The following NRG1 variants were observed in gnomAD, a reference collection of about 807,000 sequenced individuals.
The protein encoded by NRG1 is neuregulin 1, also known as pro-neuregulin-1, membrane-bound isoform.
NRG1 carries 18 observed loss-of-function variants against 63.8 expected under a neutral mutation model. The observed-to-expected ratio is 0.28, with a 90% confidence interval of 0.19 to 0.42. NRG1 has a LOEUF of 0.42. NRG1 is among the 10% of genes least tolerant of loss of function. NRG1 has a pLI of 1.00. For synonymous variants in NRG1, 302 were observed against 301.3 expected, an observed-to-expected ratio of 1.00 and a Z score of -0.02; for missense variants, 762 against 814.7, an observed-to-expected ratio of 0.94 and a Z score of 0.79.
At chr8:31,959,836 T>TATTTATTTATTTATTC (rs375673114) in intron 1 of NRG1, among the ~76,000 whole-genome samples, 3 of 122,470 alleles carry the variant, frequency 2.4e-5, no homozygotes, top group Non-Finnish European at 1.7e-5. Flanking sequence ...TTTATTTATT[T>TATTTATTTATTTATTC]ATTATAGAGA....
chr8:31,739,568 A>C lies in NRG1; in HGVS notation c.37+100137A>C, dbSNP rs117638561. 3.9e-3 allele frequency among the ~76,000 whole-genome samples: 588 copies of C among 151,988 alleles called. 1 individual carries two copies. The highest frequency in any genetic ancestry group is 0.019 in the South Asian group (91 of 4,818). On this transcript the variant is annotated intron_variant, in intron 1 of 10. Transcript: ENST00000519301. ...TAAATATTAATAATGTGTAACTACG[A>C]CTCTGTGTGCTAAAACATTGTTGTG...
At chr8:32,038,829 C>T (rs1252212835) in intron 1 of NRG1, among the ~76,000 whole-genome samples, 2 of 152,042 alleles carry the variant, frequency 1.3e-5, no homozygotes, top group African/African-American at 4.8e-5. Flanking sequence ...GCTAGCCCCA[C>T]CTGTTGTTCA....
At chr8:32,204,012 A>C (rs1843760254) in intron 1 of NRG1, among the ~76,000 whole-genome samples, 1 of 152,220 alleles carries the variant, frequency 6.6e-6, no homozygotes, top group South Asian at 2.1e-4. Context: ...ATCTTTAGTA[A>C]AGATTTGAAG....
At chr8:32,178,328 G>A (rs557794863) in intron 1 of NRG1, among the ~76,000 whole-genome samples, 1 of 152,114 alleles carries the variant, frequency 6.6e-6, no homozygotes, top group African/African-American at 2.4e-5. Flanking sequence ...AGACCACCCT[G>A]GTCAGGCTCG....
intron 1 of NRG1, among the ~76,000 whole-genome samples, chr8:32,090,269 A>C (rs2131256971): frequency 6.6e-6 from 1 of 152,334 alleles, no homozygotes; most frequent in East Asian, 1.9e-4. Context: ...ATTAACTTTG[A>C]TTTTGTTTCA....
chr8:32,511,385 A>ATG (rs1012211971), intron 1 of NRG1, among the ~76,000 whole-genome samples: 1 of 144,878 alleles, frequency 6.9e-6, no homozygotes, highest in Non-Finnish European at 1.5e-5. Flanking sequence ...ATATATATAT[A>ATG]TATATATATA....
chr8:32,241,329 T>G (rs926935277), intron 1 of NRG1, among the ~76,000 whole-genome samples: 22 of 152,194 alleles, frequency 1.4e-4, no homozygotes, highest in African/African-American at 5.3e-4. Context: ...TACTTAAGAA[T>G]TCTCTATATT....
At chr8:32,564,454 C>G (rs1482157302) in intron 1 of NRG1, among the ~76,000 whole-genome samples, 1 of 152,140 alleles carries the variant, frequency 6.6e-6, no homozygotes, top group African/African-American at 2.4e-5. Flanking sequence ...ATAAGCTAAG[C>G]ATCATTATTT....
At chr8:32,592,567 GAAAT>G (rs1285188685) in intron 1 of NRG1, among the ~76,000 whole-genome samples, 1 of 152,078 alleles carries the variant, frequency 6.6e-6, no homozygotes, top group South Asian at 2.1e-4. Flanking sequence ...CCCTAATACA[GAAAT>G]AAATAAACTA....
At chr8:31,955,398 G>A (rs1804199999) in intron 1 of NRG1, among the ~76,000 whole-genome samples, 1 of 152,274 alleles carries the variant, frequency 6.6e-6, no homozygotes, top group East Asian at 1.9e-4. Flanking sequence ...AAATAGAAAA[G>A]TGAATGTACA....
intron 9 of NRG1, among the ~76,000 whole-genome samples, chr8:32,757,177 G>A (rs929638752): frequency 2.0e-5 from 3 of 152,048 alleles, no homozygotes; most frequent in Non-Finnish European, 4.4e-5. Context: ...CAAACACTCA[G>A]CATTCAGTTT....
chr8:32,715,648 T>C (rs1819003613), intron 5 of NRG1, among the ~76,000 whole-genome samples: 2 of 151,796 alleles, frequency 1.3e-5, no homozygotes, highest in Non-Finnish European at 2.9e-5. Flanking sequence ...GCCCTTTTTT[T>C]TTTTTTTTGA....
intron 1 of NRG1, among the ~76,000 whole-genome samples, chr8:31,842,438 A>G (rs1174054853): frequency 6.6e-6 from 1 of 152,188 alleles, no homozygotes; most frequent in Non-Finnish European, 1.5e-5. Context: ...ACTCAATAAT[A>G]TCCAATGAAG....
chr8:32,324,608 CT>C (rs1801788289), intron 1 of NRG1, among the ~76,000 whole-genome samples: 2 of 152,132 alleles, frequency 1.3e-5, no homozygotes, highest in Non-Finnish European at 2.9e-5. Context: ...TGAGAGAATA[CT>C]TTAATGTCTG....
intron 2 of NRG1, 93 bp downstream of exon 2, chr8:32,596,098 G>A: frequency 2.0e-6 from 2 of 988,170 alleles, no homozygotes; most frequent in Non-Finnish European, 1.4e-6. Flanking sequence ...TTTACTATCA[G>A]AAACATAATA....
At chr8:31,651,226 AT>A (rs1192386688) in intron 1 of NRG1, among the ~76,000 whole-genome samples, 1 of 152,202 alleles carries the variant, frequency 6.6e-6, no homozygotes, top group East Asian at 1.9e-4. Context: ...ATTTAAAAAA[AT>A]ATTAACAGTT....
chr8:31,857,596 G>A (rs1828042787), intron 1 of NRG1, among the ~76,000 whole-genome samples: 1 of 152,240 alleles, frequency 6.6e-6, no homozygotes, highest in African/African-American at 2.4e-5. Context: ...ACTGGGAGCT[G>A]TAGACCAGAG....
intron 1 of NRG1, among the ~76,000 whole-genome samples, chr8:32,450,215 C>T (rs1449356794): frequency 1.3e-5 from 2 of 152,114 alleles, no homozygotes; most frequent in African/African-American, 4.8e-5. Context: ...CTTTAATTTA[C>T]ACCACAACCC....
chr8:31,858,178 A>C (rs1246803368), intron 1 of NRG1, among the ~76,000 whole-genome samples: 1 of 152,110 alleles, frequency 6.6e-6, no homozygotes, highest in African/African-American at 2.4e-5. Context: ...AGGCGCCTGT[A>C]GTCCCAGCTA....
Sources: gnomAD v4.1 joint callset for allele counts (sites outside exome capture counted in the v4.1 genomes callset) on GRCh38, gnomAD v4.1.1 for gene constraint, MANE v1.5 for transcripts, NCBI Gene and HGNC (gene_info 2026-07-23, HGNC 2026-07-21) for gene names.